Variants in ANKRD30A observed in about 807,000 individuals in gnomAD.
The protein encoded by ANKRD30A is ankyrin repeat domain-containing protein 30A.
ANKRD30A carries 170 observed loss-of-function variants against 166.3 expected under a neutral mutation model. The ratio of observed to expected loss-of-function variants is 1.02; its 90% CI spans 0.90 to 1.16. The LOEUF is 1.16. Ranked by LOEUF, ANKRD30A falls within the 50% of genes most tolerant of loss-of-function variation. ANKRD30A has a pLI of 0.00. For missense variants in ANKRD30A, 1,630 were observed against 1,518.0 expected (o/e 1.07, Z -1.23); for synonymous variants, 564 against 508.9 (o/e 1.11, Z -1.46).
At chr10:37,183,174 A>G (rs1840149021) in intron 24 of ANKRD30A, among the ~76,000 whole-genome samples, 1 of 149,388 alleles carries the variant, frequency 6.7e-6, no homozygotes, top group Admixed American at 6.8e-5. Flanking sequence ...GAAAATATTT[A>G]AAATACACGA....
intron 27 of ANKRD30A, among the ~76,000 whole-genome samples, chr10:37,196,426 A>C (rs1841116417): frequency 6.6e-6 from 1 of 152,168 alleles, no homozygotes; most frequent in African/African-American, 2.4e-5. Context: ...TGTTTAAGGA[A>C]GTGTGTTGTT....
At chr10:37,156,811 CCTT>C (rs1314387753) in intron 13 of ANKRD30A, among the ~76,000 whole-genome samples, 1 of 152,098 alleles carries the variant, frequency 6.6e-6, no homozygotes, top group Non-Finnish European at 1.5e-5. Flanking sequence ...TAGAGAATGA[CCTT>C]CTCATTGTAA....
chr10:37,135,033 CCCT>C (rs1409295171), intron 5 of ANKRD30A, among the ~76,000 whole-genome samples: 3 of 152,170 alleles, frequency 2.0e-5, no homozygotes, highest in African/African-American at 7.2e-5. Context: ...TGTGGTTATA[CCCT>C]CAAGTGATTC....
intron 34 of ANKRD30A, among the ~76,000 whole-genome samples, chr10:37,224,073 C>G (rs913756480): frequency 4.6e-5 from 7 of 151,244 alleles, no homozygotes; most frequent in African/African-American, 1.7e-4. Context: ...TTCAGAGTCA[C>G]AGCACAAACT....
At chr10:37,265,052 T>C in the ANKRD30A span, among the ~76,000 whole-genome samples, 3 of 152,236 alleles carry the variant, frequency 2.0e-5, no homozygotes, top group Non-Finnish European at 4.4e-5. Flanking sequence ...AGTTATCCTC[T>C]GCTGAGTCAT....
the ANKRD30A span, among the ~76,000 whole-genome samples, chr10:37,249,319 A>G: frequency 6.6e-6 from 1 of 152,192 alleles, no homozygotes. Flanking sequence ...GATTCTATTA[A>G]TGGCAAAATA....
At chr10:37,246,237 A>T in the ANKRD30A span, among the ~76,000 whole-genome samples, 2 of 152,328 alleles carry the variant, frequency 1.3e-5, no homozygotes, top group East Asian at 3.9e-4. Context: ...ACAAAGTAAA[A>T]ATTACTTATT....
chr10:37,216,250 A>G lies in ANKRD30A; in HGVS notation c.2939A>G (p.Asp980Gly). 6.2e-7 allele frequency: 1 copy of G among 1,608,430 alleles called. No homozygotes were observed. Among genetic ancestry groups the G allele is most frequent in the Non-Finnish European group, 8.5e-7 (1 of 1,176,074 alleles). The change falls in exon 32 of 36, where the codon GAT becomes GGT. Residue 980 changes from aspartate to glycine, a missense_variant. Physicochemically the swap from Asp to Gly is moderately conservative, Grantham distance 94. Transcript: ENST00000361713. The part of the protein sequence containing the change: ...SCERARELQK[D>G]HCEQRTGKME... Reference sequence around the variant, plus strand: ...GAAAGAGCAAGGGAACTTCAAAAAGATCACTGTGAACAACGTACAGGAAAA... The same window carrying G: ...GAAAGAGCAAGGGAACTTCAAAAAGGTCACTGTGAACAACGTACAGGAAAA...
At chr10:37,214,314 T>C (rs1394127032) in intron 31 of ANKRD30A, among the ~76,000 whole-genome samples, 2 of 151,582 alleles carry the variant, frequency 1.3e-5, no homozygotes, top group Non-Finnish European at 3.0e-5. Context: ...TTATTTCTTA[T>C]AGGCATTACA....
At chr10:37,162,906 G>A in intron 17 of ANKRD30A, 58 bp downstream of exon 17, 2 of 1,578,676 alleles carry the variant, frequency 1.3e-6, no homozygotes, top group Middle Eastern at 2.1e-4. Flanking sequence ...ACATTTTGAT[G>A]GTCTTTCTGT....
chr10:37,162,615 A>G (rs199627532), intron 15 of ANKRD30A, 34 bp from the exon 16 acceptor site: 8 of 1,611,312 alleles, frequency 5.0e-6, no homozygotes, highest in Middle Eastern at 2.2e-4. Flanking sequence ...TCATATTTAC[A>G]TATGATTGAT....
rs182468446 is a variant in ANKRD30A at position 37,208,060 on chromosome 10, T to A, written c.2869+6735T>A. Among the ~76,000 whole-genome samples the A allele has an allele frequency of 3.0e-3, 460 of 151,906 alleles. 3 individuals carry two copies. Among genetic ancestry groups the A allele is most frequent in the African/African-American group, 0.011 (443 of 41,514 alleles). ...TGGGGAAAGGAAGACAAGAGACTGC[T>A]TTTTAGAAGAAAAAAAAATTCATAC... On this transcript the variant is annotated intron_variant, in intron 31 of 35. Transcript: ENST00000361713.
chr10:37,131,364 T>TA (rs1189689476), intron 3 of ANKRD30A, among the ~76,000 whole-genome samples: 1 of 152,214 alleles, frequency 6.6e-6, no homozygotes, highest in Non-Finnish European at 1.5e-5. Flanking sequence ...AGATATGCAT[T>TA]AGAATTTTAG....
chr10:37,129,933 G>C lies in ANKRD30A; in HGVS notation c.262G>C (p.Val88Leu). 2.5e-6 allele frequency: 4 copies of C among 1,574,726 alleles called. No individual in the cohort carries two copies. The highest frequency in any genetic ancestry group is 2.6e-6 in the Non-Finnish European group (3 of 1,158,068). ...HWACVNGHEEVVTFLVDRKCQ... is the reference protein window; with the variant it reads ...HWACVNGHEELVTFLVDRKCQ... ...GGCCTGTGTCAATGGCCATGAGGAA[G>C]TAGTAACATTTCTGGTAGACAGAAA... The change falls in exon 2 of 36, where the codon GTA becomes CTA. Residue 88 changes from valine to leucine, a missense_variant. This residue lies in a region of ANKRD30A where 904 missense variants were observed against 818.5 expected (regional missense o/e 1.10). Transcript: ENST00000361713.
chr10:37,221,117 T>G (rs1037469312), intron 34 of ANKRD30A, among the ~76,000 whole-genome samples: 7 of 149,038 alleles, frequency 4.7e-5, no homozygotes, highest in African/African-American at 1.7e-4. Flanking sequence ...AAATGACTAG[T>G]GGGATGAATC....
chr10:37,163,948 C>A (rs1839105987), intron 17 of ANKRD30A, among the ~76,000 whole-genome samples: 1 of 123,850 alleles, frequency 8.1e-6, no homozygotes, highest in African/African-American at 3.0e-5. Flanking sequence ...TGAACTGTGC[C>A]CCACAGCTTC....
At chr10:37,242,824 T>C in the ANKRD30A span, among the ~76,000 whole-genome samples, 2 of 152,172 alleles carry the variant, frequency 1.3e-5, no homozygotes, top group African/African-American at 2.4e-5. Context: ...CACCCAACAC[T>C]TGAGCTCACT....
chr10:37,195,149 A>T (rs1840974533), intron 27 of ANKRD30A, among the ~76,000 whole-genome samples: 1 of 152,232 alleles, frequency 6.6e-6, no homozygotes, highest in East Asian at 1.9e-4. Flanking sequence ...AGTTAGAACA[A>T]GAATTTTCAA....
chr10:37,248,354 C>T, the ANKRD30A span: 1 of 335,722 alleles, frequency 3.0e-6, no homozygotes, highest in Non-Finnish European at 5.9e-6. Flanking sequence ...ACTTGAAAAT[C>T]ACTGAGACCG....
Sources: allele counts gnomAD v4.1 joint callset (sites outside exome capture counted in the v4.1 genomes callset), GRCh38; gene constraint gnomAD v4.1.1; regional missense constraint gnomAD v4.1.1; transcripts MANE v1.5; gene names NCBI Gene and HGNC (gene_info 2026-07-23, HGNC 2026-07-21).